RPS14: variants seen among roughly 807,000 people sequenced by gnomAD.
The protein encoded by RPS14 is ribosomal protein S14, also known as small ribosomal subunit protein uS11.
A neutral mutation model predicts 15.4 loss-of-function variants in RPS14; 1 was observed. The observed-to-expected ratio is 0.07, with a 90% CI of 0.02 to 0.31. RPS14 has a LOEUF of 0.31. Ranked by LOEUF, RPS14 falls within the 10% of genes least tolerant of loss-of-function variation. RPS14 has a pLI of 1.00. For missense variants in RPS14, 69 were observed against 205.5 expected (o/e 0.34, Z 4.06); for synonymous variants, 68 against 74.4 (o/e 0.91, Z 0.44).
chr5:150,444,328 G>A lies in RPS14; in HGVS notation c.414C>T (p.Asp138=), dbSNP rs1289099794. The A allele has an allele frequency of 2.9e-5, 47 of 1,611,680 alleles. No individual in the cohort carries two copies. Among genetic ancestry groups the A allele is most frequent in the Non-Finnish European group, 4.0e-5 (47 of 1,178,518 alleles). The part of the protein sequence containing the change: ...RIEDVTPIPS[D]STRRKGGRRG... ...GGCGACCCCCCTTCCTGCGAGTGCT[G>A]TCAGAGGGGATGGGGGTGACATCCT... The change falls in exon 5 of 5, where the codon GAC becomes GAT. Residue 138 remains aspartate (D), a synonymous_variant. Transcript: ENST00000407193.
In RPS14 at chr5:150,446,515, T is replaced by A. The variant is rs1771101563; in HGVS notation, c.311+287A>T. Among the ~76,000 whole-genome samples the A allele has an allele frequency of 1.3e-5, 2 of 152,156 alleles. No individual in the cohort carries two copies. Among genetic ancestry groups the A allele is most frequent in the African/African-American group, 4.8e-5 (2 of 41,418 alleles). On this transcript the variant is annotated intron_variant, in intron 3 of 4. Transcript: ENST00000407193. The surrounding 1 kb of genome is among the most constrained non-coding windows in gnomAD (Gnocchi z 4.2). ...ACATACTCCCTGGTGCTCTGTTGTT[T>A]AAAGTCTGACTCTCCCACCAGCCTC...
intron 2 of RPS14, 124 bp downstream of exon 2, chr5:150,447,461 C>T (rs540385577): frequency 2.1e-6 from 2 of 963,940 alleles, no homozygotes; most frequent in Non-Finnish European, 3.3e-6. Flanking sequence ...AATGGACAAG[C>T]ACATTTTCTT....
intron 4 of RPS14, chr5:150,444,738 G>A: frequency 6.8e-6 from 3 of 442,736 alleles, no homozygotes; most frequent in East Asian, 7.0e-5. Context: ...ATCTTTTAAG[G>A]CTGGGCGCGG....
At chr5:150,445,461 C>T (rs770597457) in intron 4 of RPS14, 148 bp downstream of exon 4, 2 of 744,124 alleles carry the variant, frequency 2.7e-6, no homozygotes, top group Non-Finnish European at 4.9e-6. Flanking sequence ...ATTTTTAAGT[C>T]ACAAGGTGCC....
In RPS14 at chr5:150,442,958, A is replaced by G. The variant is rs989109729; in HGVS notation, c.*1328T>C. 4.6e-5 allele frequency: 7 copies of G among 152,224 alleles called. No homozygotes were observed. The highest frequency in any genetic ancestry group is 1.9e-4 in the East Asian group (1 of 5,202). 9.4% of individuals were successfully genotyped at this position (152,224 alleles called of 1,614,324 possible). A position where few individuals can be genotyped will look rare whatever the true frequency, so the allele number is the denominator to read the frequency against. ...ATCCGTCCTCCTGTCTCGGCTTCCC[A>G]AAGTGTTGGGATTATAGGCGTGAAC... On this transcript the variant is annotated 3_prime_UTR_variant, in exon 5 of 5. Transcript: ENST00000407193.
chr5:150,447,364 C>A, intron 2 of RPS14: 1 of 583,078 alleles, frequency 1.7e-6, no homozygotes, highest in Non-Finnish European at 3.1e-6. Flanking sequence ...CCCAAGAAAC[C>A]AAGGATTCAA....
intron 1 of RPS14, 178 bp from the exon 2 acceptor site, chr5:150,447,913 G>T: frequency 1.5e-6 from 1 of 666,124 alleles, no homozygotes; most frequent in Admixed American, 3.0e-5. Context: ...GCACTTGGGG[G>T]GGTATCAACT....
In RPS14 at chr5:150,445,734, G is replaced by A. The variant is rs764317494; in HGVS notation, c.312-49C>T. On this transcript the variant is annotated intron_variant, in intron 3 of 4. Transcript: ENST00000407193. Reference sequence around the variant, plus strand: ...AGAAGAGCCTTTGGCCAAGTCAATGGAAGATCTCCTTTCTAAGATCCCAAC... The same window carrying A: ...AGAAGAGCCTTTGGCCAAGTCAATGAAAGATCTCCTTTCTAAGATCCCAAC... 3 of 1,426,202 alleles carry A rather than the reference G, an allele frequency of 2.1e-6. No individual in the cohort carries two copies. In the South Asian group the frequency reaches 3.6e-5, roughly 17 times the overall value. The allele number at this position is 1,426,202 out of a possible 1,614,324, so 88.3% of individuals were successfully genotyped here. A position where few individuals can be genotyped will look rare whatever the true frequency, so the allele number is the denominator to read the frequency against.
At position 150,446,155 on chromosome 5, in the gene RPS14, G is replaced by A. The variant is rs746529234; in HGVS notation, c.312-470C>T. Among the ~76,000 whole-genome samples, 8 of 151,874 alleles carry A rather than the reference G, an allele frequency of 5.3e-5. No homozygotes were observed. Among genetic ancestry groups the A allele is most frequent in the Non-Finnish European group, 1.0e-4 (7 of 67,992 alleles). On this transcript the variant is annotated intron_variant, in intron 3 of 4. Coordinates refer to ENST00000407193, the MANE Select transcript of RPS14 (RefSeq NM_005617.4). The surrounding 1 kb of genome is among the most constrained non-coding windows in gnomAD (Gnocchi z 4.2). The stretch of plus-strand genomic sequence containing the variant: ...TAGGCTGAGGGGGCCACTATGGTTT[G>A]TTGTTATGTTCTGACCACTGTCTGG...
At position 150,442,637 on chromosome 5, in the gene RPS14, C is replaced by T. The variant is rs535935167; in HGVS notation, c.*1649G>A. On this transcript the variant is annotated 3_prime_UTR_variant, in exon 5 of 5. Transcript: ENST00000407193. Reference sequence around the variant, plus strand: ...TGCCAAAAGTAGGAAACCACTGGTACATTACTACTAGCTTTATTCCAGACT... The same window carrying T: ...TGCCAAAAGTAGGAAACCACTGGTATATTACTACTAGCTTTATTCCAGACT... The T allele has an allele frequency of 6.6e-6, 1 of 152,330 alleles. No homozygotes were observed. The highest frequency in any genetic ancestry group is 1.9e-4 in the East Asian group (1 of 5,192). The allele number at this position is 152,330 out of a possible 1,614,324, so 9.4% of individuals were successfully genotyped here. A position where few individuals can be genotyped will look rare whatever the true frequency, so the allele number is the denominator to read the frequency against.
intron 4 of RPS14, 185 bp downstream of exon 4, chr5:150,445,424 C>A (rs1275433052): frequency 1.4e-6 from 1 of 712,312 alleles, no homozygotes; most frequent in Non-Finnish European, 2.6e-6. Context: ...ACATTCATAT[C>A]AAGGTGACAG....
At chr5:150,444,902 C>T (rs1771046084) in intron 4 of RPS14, among the ~76,000 whole-genome samples, 1 of 151,726 alleles carries the variant, frequency 6.6e-6, no homozygotes, top group South Asian at 2.1e-4. Flanking sequence ...GTTGTCCCAG[C>T]TACTCAGTAG....
In RPS14 at chr5:150,445,512, C is replaced by A. The variant is rs758561722; in HGVS notation, c.388+97G>T. ...TAACAAACTTAACTGCCAAAAGTGACCAGACCAGCCGCTGCACATCCACTG... is the reference window on the plus strand; with the variant it reads ...TAACAAACTTAACTGCCAAAAGTGAACAGACCAGCCGCTGCACATCCACTG... On this transcript the variant is annotated intron_variant, in intron 4 of 4. Coordinates refer to ENST00000407193, the MANE Select transcript of RPS14 (RefSeq NM_005617.4). 3 of 1,201,092 alleles carry A rather than the reference C, an allele frequency of 2.5e-6. No homozygotes were observed. In the African/African-American group the frequency reaches 4.5e-5, roughly 18 times the overall value. The allele number at this position is 1,201,092 out of a possible 1,614,324, so 74.4% of individuals were successfully genotyped here. A position where few individuals can be genotyped will look rare whatever the true frequency, so the allele number is the denominator to read the frequency against.
intron 3 of RPS14, among the ~76,000 whole-genome samples, chr5:150,445,894 C>T (rs970896428): frequency 5.3e-5 from 8 of 152,144 alleles, no homozygotes; most frequent in Non-Finnish European, 1.0e-4. Flanking sequence ...AGTTCAAGAC[C>T]AGCCTGAGCA....
At position 150,442,983 on chromosome 5, in the gene RPS14, C is replaced by T. The variant is rs978100212; in HGVS notation, c.*1303G>A. 6.6e-5 allele frequency: 10 copies of T among 152,188 alleles called. No individual in the cohort carries two copies. Among genetic ancestry groups the T allele is most frequent in the African/African-American group, 2.4e-4 (10 of 41,428 alleles). The allele number at this position is 152,188 out of a possible 1,614,324, so 9.4% of individuals were successfully genotyped here. ...AAAGTGTTGGGATTATAGGCGTGAA[C>T]CACTGTGCCCTGCCTTTATCCTATT... is the stretch of plus-strand genomic sequence containing the variant. On this transcript the variant is annotated 3_prime_UTR_variant, in exon 5 of 5. Coordinates refer to ENST00000407193, the MANE Select transcript of RPS14 (RefSeq NM_005617.4).
intron 1 of RPS14, chr5:150,448,636 C>T (rs568504776): frequency 1.2e-4 from 18 of 152,292 alleles, no homozygotes; most frequent in Admixed American, 1.1e-3. Flanking sequence ...AGTGTCTCAG[C>T]CTATGGTCAC....
chr5:150,443,087 G>A lies in RPS14; in HGVS notation c.*1199C>T, dbSNP rs1427057174. 5.3e-5 allele frequency: 8 copies of A among 152,056 alleles called. No individual in the cohort carries two copies. The highest frequency in any genetic ancestry group is 3.4e-3 in the Middle Eastern group (1 of 294). 9.4% of individuals were successfully genotyped at this position (152,056 alleles called of 1,614,324 possible). On this transcript the variant is annotated 3_prime_UTR_variant, in exon 5 of 5. Coordinates refer to ENST00000407193, the MANE Select transcript of RPS14 (RefSeq NM_005617.4). The stretch of plus-strand genomic sequence containing the variant: ...ACCACAATGGGCATTTAGTTTTCAC[G>A]CCTCCTTAATCTCCTGTCCTTGACT...
Position 150,444,199 on chromosome 5 carries a change from T to C in RPS14, c.*87A>G, listed in dbSNP as rs1771020329. 1 of 1,516,538 alleles carries C rather than the reference T, an allele frequency of 6.6e-7. No individual in the cohort carries two copies. The highest frequency in any genetic ancestry group is 8.9e-7 in the Non-Finnish European group (1 of 1,128,388). 93.9% of individuals were successfully genotyped at this position (1,516,538 alleles called of 1,614,324 possible). A position where few individuals can be genotyped will look rare whatever the true frequency, so the allele number is the denominator to read the frequency against. On this transcript the variant is annotated 3_prime_UTR_variant, in exon 5 of 5. Transcript: ENST00000407193. ...AGGAGGAAGAAATCAAATGCCTGAG[T>C]AGCCCCTGATGAAGGAGAGAAGGCT... is the stretch of plus-strand genomic sequence containing the variant.
intron 4 of RPS14, chr5:150,445,352 C>A: frequency 1.6e-6 from 1 of 638,200 alleles, no homozygotes; most frequent in Non-Finnish European, 2.8e-6. Context: ...AAGGACAATT[C>A]ATCTCTTGTC....
Sources: gnomAD v4.1 joint callset for allele counts (sites outside exome capture counted in the v4.1 genomes callset) on GRCh38, gnomAD v4.1.1 for gene constraint, Gnocchi (gnomAD v3.1) non-coding constraint, MANE v1.5 for transcripts, NCBI Gene and HGNC (gene_info 2026-07-23, HGNC 2026-07-21) for gene names.